Variants in BCAS3 observed in about 807,000 individuals in gnomAD.
BCAS3 encodes the protein BCAS4/BCAS3 fusion.
Under a neutral mutation model 116.1 loss-of-function variants are expected in BCAS3, and 53 were observed. That is an observed-to-expected ratio of 0.46 (90% CI 0.37 to 0.57). The LOEUF is 0.57. Ranked by LOEUF, BCAS3 falls within the 20% of genes least tolerant of loss-of-function variation. The pLI is 0.00. For missense variants in BCAS3, 917 were observed against 1,165.4 expected (o/e 0.79, Z 3.10); for synonymous variants, 391 against 408.2 (o/e 0.96, Z 0.51).
rs182519425 is a variant in BCAS3, at chr17:61,377,020, G to C, written c.2593+8526G>C. ...CCCTCAAAGAGATTAAAGCCCCAGA[G>C]GAGGCCACAATACTGAACGGTGGGT... On this transcript the variant is annotated intron_variant, in intron 23 of 23. Transcript: ENST00000407086. The surrounding 1 kb of genome is among the most constrained non-coding windows in gnomAD (Gnocchi z 4.6). Among the ~76,000 whole-genome samples, 313 of 152,318 alleles carry C rather than the reference G, an allele frequency of 2.1e-3. 3 individuals carry two copies. Among genetic ancestry groups the C allele is most frequent in the African/African-American group, 7.4e-3 (307 of 41,566 alleles).
chr17:60,888,449 C>G (rs2056891886), intron 9 of BCAS3, among the ~76,000 whole-genome samples: 1 of 152,032 alleles, frequency 6.6e-6, no homozygotes, highest in Non-Finnish European at 1.5e-5. Flanking sequence ...CATATTTATC[C>G]TCATTTCTCC....
At chr17:60,723,573 A>G (rs1282518917) in intron 5 of BCAS3, among the ~76,000 whole-genome samples, 1 of 152,126 alleles carries the variant, frequency 6.6e-6, no homozygotes, top group Non-Finnish European at 1.5e-5. Flanking sequence ...AAATAAATAT[A>G]TAGCCATAGC....
chr17:61,388,633 A>G lies in BCAS3; in HGVS notation c.2594-3344A>G. 3 of 1,537,108 alleles carry G rather than the reference A, an allele frequency of 2.0e-6. No individual in the cohort carries two copies. The highest frequency in any genetic ancestry group is 1.7e-6 in the Non-Finnish European group (2 of 1,148,602). ...TTTTCAAAAGGGAAAAAAAAAGGAA[A>G]AAAAAAACAATGCCAACAGCCCAGC... On this transcript the variant is annotated intron_variant, in intron 23 of 23. Coordinates refer to ENST00000407086, the MANE Select transcript of BCAS3 (RefSeq NM_017679.5). This position sits in a 1 kb window ranked among gnomAD's most constrained non-coding sequence, Gnocchi z 6.5.
chr17:61,234,524 A>G (rs1001023426), intron 22 of BCAS3, among the ~76,000 whole-genome samples: 9 of 152,208 alleles, frequency 5.9e-5, no homozygotes, highest in African/African-American at 2.2e-4. Context: ...TGCAAAATCA[A>G]TAGACCTCCC....
At chr17:61,221,688 A>C (rs2082120211) in intron 22 of BCAS3, among the ~76,000 whole-genome samples, 1 of 152,178 alleles carries the variant, frequency 6.6e-6, no homozygotes, top group African/African-American at 2.4e-5. Context: ...AGATCCTAAA[A>C]AAAGGCTTAG....
intron 22 of BCAS3, among the ~76,000 whole-genome samples, chr17:61,179,874 C>CTTTTTTT (rs5821309): frequency 1.6e-5 from 2 of 124,522 alleles, no homozygotes; most frequent in Non-Finnish European, 3.3e-5. Context: ...CTCTCTCTCT[C>CTTTTTTT]TTTTTTTTTT....
intron 7 of BCAS3, among the ~76,000 whole-genome samples, chr17:60,823,840 T>C (rs973769616): frequency 6.6e-6 from 1 of 152,192 alleles, no homozygotes; most frequent in East Asian, 1.9e-4. Context: ...ACAGAGATTT[T>C]TCTTTTATGA....
At chr17:60,802,578 G>A (rs1351584427) in intron 6 of BCAS3, among the ~76,000 whole-genome samples, 1 of 151,840 alleles carries the variant, frequency 6.6e-6, no homozygotes, top group Non-Finnish European at 1.5e-5. Context: ...TTAATCCTTG[G>A]CTGTTTGCAC....
At position 61,204,342 on chromosome 17, in the gene BCAS3, G is replaced by C. The variant is rs955214511; in HGVS notation, c.2425+119778G>C. 6.6e-6 allele frequency among the ~76,000 whole-genome samples: 1 copy of C among 152,202 alleles called. No individual in the cohort carries two copies. Among genetic ancestry groups the C allele is most frequent in the Non-Finnish European group, 1.5e-5 (1 of 68,034 alleles). ...AATGAAGGTCATGTGAACGAGTTCA[G>C]AAGATTCTAGATATCACATTTTACG... On this transcript the variant is annotated intron_variant, in intron 22 of 23. Transcript: ENST00000407086. This position sits in a 1 kb window ranked among gnomAD's most constrained non-coding sequence, Gnocchi z 4.2.
chr17:61,292,954 C>T (rs2052572548), intron 22 of BCAS3, among the ~76,000 whole-genome samples: 1 of 152,158 alleles, frequency 6.6e-6, no homozygotes, highest in Admixed American at 6.5e-5. Flanking sequence ...TAAACGTAAG[C>T]AATAACCAAT....
intron 7 of BCAS3, chr17:60,811,340 A>G: frequency 1.5e-6 from 1 of 669,538 alleles, no homozygotes; most frequent in Non-Finnish European, 2.7e-6. Context: ...TGAGGACTTC[A>G]GTCTTGGTGA....
At chr17:61,338,698 T>C (rs1453362723) in intron 22 of BCAS3, among the ~76,000 whole-genome samples, 2 of 152,000 alleles carry the variant, frequency 1.3e-5, no homozygotes, top group African/African-American at 2.4e-5. Context: ...TGCCCATCAC[T>C]GTTGGATCTG....
rs1568532295 is a variant in BCAS3, at chr17:61,186,158, T to C, written c.2425+101594T>C. ...CCTTGAATTGCTATTTAACATACGATAGCTTATTTATATATTCATACACAT... is the reference window on the plus strand; with the variant it reads ...CCTTGAATTGCTATTTAACATACGACAGCTTATTTATATATTCATACACAT... On this transcript the variant is annotated intron_variant, in intron 22 of 23. Coordinates refer to ENST00000407086, the MANE Select transcript of BCAS3 (RefSeq NM_017679.5). This position sits in a 1 kb window ranked among gnomAD's most constrained non-coding sequence, Gnocchi z 4.9. Among the ~76,000 whole-genome samples the C allele has an allele frequency of 6.6e-6, 1 of 152,322 alleles. No individual in the cohort carries two copies. Among genetic ancestry groups the C allele is most frequent in the East Asian group, 1.9e-4 (1 of 5,186 alleles).
rs2061727777 is a variant in BCAS3 at position 60,967,601 on chromosome 17, A to G, written c.1221+20249A>G. On this transcript the variant is annotated intron_variant, in intron 14 of 23. Coordinates refer to ENST00000407086, the MANE Select transcript of BCAS3 (RefSeq NM_017679.5). This position sits in a 1 kb window ranked among gnomAD's most constrained non-coding sequence, Gnocchi z 4.7. ...CTTAAGTTTTAGAAAGTTTTCCATT[A>G]TTATTTCTTTGGCTGCATTTTCTAC... 6.6e-6 allele frequency among the ~76,000 whole-genome samples: 1 copy of G among 151,978 alleles called. No homozygotes were observed. The highest frequency in any genetic ancestry group is 2.1e-4 in the South Asian group (1 of 4,824).
At chr17:60,849,348 G>A (rs1054861875) in intron 7 of BCAS3, among the ~76,000 whole-genome samples, 2 of 149,706 alleles carry the variant, frequency 1.3e-5, no homozygotes, top group African/African-American at 4.9e-5. Context: ...TCTGGAAAAT[G>A]TACTGTACTT....
intron 6 of BCAS3, among the ~76,000 whole-genome samples, chr17:60,762,698 A>G (rs546284552): frequency 2.3e-4 from 35 of 152,194 alleles, no homozygotes; most frequent in African/African-American, 7.2e-4. Flanking sequence ...TTTTGATTCC[A>G]TATGAACTTT....
Position 60,961,164 on chromosome 17 carries a change from A to C in BCAS3, c.1221+13812A>C, listed in dbSNP as rs1484496062. On this transcript the variant is annotated intron_variant, in intron 14 of 23. Coordinates refer to ENST00000407086, the MANE Select transcript of BCAS3 (RefSeq NM_017679.5). This position sits in a 1 kb window ranked among gnomAD's most constrained non-coding sequence, Gnocchi z 4.8. ...AATAAGAAGCACTCTGAATGGCAGT[A>C]AGGGAGACATTTGAGGTCAGGGAGA... Among the ~76,000 whole-genome samples, 1 of 152,226 alleles carries C rather than the reference A, an allele frequency of 6.6e-6. No homozygotes were observed. The highest frequency in any genetic ancestry group is 1.5e-5 in the Non-Finnish European group (1 of 68,042).
At chr17:60,932,704 T>G (rs868096987) in intron 13 of BCAS3, among the ~76,000 whole-genome samples, 2 of 127,494 alleles carry the variant, frequency 1.6e-5, no homozygotes, top group African/African-American at 3.2e-5. Flanking sequence ...ATGGTGCCAC[T>G]GCACTCCAGC....
chr17:61,238,231 T>TA (rs2083218689), intron 22 of BCAS3, among the ~76,000 whole-genome samples: 1 of 151,008 alleles, frequency 6.6e-6, no homozygotes, highest in Admixed American at 6.6e-5. Flanking sequence ...TTTCGGGTTT[T>TA]TTTTTTTTGA....
Sources: allele counts gnomAD v4.1 joint callset (sites outside exome capture counted in the v4.1 genomes callset), GRCh38; gene constraint gnomAD v4.1.1; non-coding constraint Gnocchi (gnomAD v3.1); transcripts MANE v1.5; gene names NCBI Gene and HGNC (gene_info 2026-07-23, HGNC 2026-07-21).